NALF1: variants seen among roughly 807,000 people sequenced by gnomAD.
NALF1 encodes the protein NALCN channel auxiliary factor 1.
Under a neutral mutation model 48.4 loss-of-function variants are expected in NALF1, and 3 were observed. The ratio of observed to expected loss-of-function variants is 0.06; its 90% CI spans 0.03 to 0.16. The LOEUF (loss-of-function observed/expected upper bound fraction) is 0.16, where lower values mean the gene tolerates loss of function less well. Among genes scored for constraint, NALF1 ranks in the 10% least tolerant of loss-of-function variants. NALF1 has a pLI of 1.00. For synonymous variants in NALF1, 262 were observed against 245.7 expected, an observed-to-expected ratio of 1.07 and a Z score of -0.62; for missense variants, 526 against 571.5, an observed-to-expected ratio of 0.92 and a Z score of 0.81.
chr13:107,801,754 C>T (rs1261109450), intron 1 of NALF1, among the ~76,000 whole-genome samples: 1 of 152,080 alleles, frequency 6.6e-6, no homozygotes, highest in Non-Finnish European at 1.5e-5. Flanking sequence ...AATGTTTCAC[C>T]AGGATGAACT....
intron 1 of NALF1, among the ~76,000 whole-genome samples, chr13:107,376,119 C>A (rs1236582041): frequency 6.6e-6 from 1 of 152,102 alleles, no homozygotes; most frequent in Non-Finnish European, 1.5e-5. Flanking sequence ...CTTGGAGAGG[C>A]CCAGATGGGA....
At chr13:107,496,964 G>A (rs1245806503) in intron 1 of NALF1, among the ~76,000 whole-genome samples, 1 of 152,156 alleles carries the variant, frequency 6.6e-6, no homozygotes, top group Non-Finnish European at 1.5e-5. Context: ...AGATTTGGGT[G>A]GGGACACAGA....
At chr13:107,551,128 CG>C (rs1877280546) in intron 1 of NALF1, among the ~76,000 whole-genome samples, 1 of 152,208 alleles carries the variant, frequency 6.6e-6, no homozygotes, top group East Asian at 1.9e-4. Flanking sequence ...GGTCGTACTG[CG>C]TCTGAAGTAC....
At chr13:107,472,166 T>C (rs1885111174) in intron 1 of NALF1, among the ~76,000 whole-genome samples, 1 of 152,130 alleles carries the variant, frequency 6.6e-6, no homozygotes, top group Non-Finnish European at 1.5e-5. Flanking sequence ...CCGTCTCTAC[T>C]AAAAATACAA....
chr13:107,588,291 AGT>A (rs1878512337), intron 1 of NALF1, among the ~76,000 whole-genome samples: 1 of 152,150 alleles, frequency 6.6e-6, no homozygotes, highest in African/African-American at 2.4e-5. Context: ...GGCAATGTTG[AGT>A]CCCTGTCTTG....
intron 1 of NALF1, among the ~76,000 whole-genome samples, chr13:107,225,311 C>A (rs1880080096): frequency 6.6e-6 from 1 of 152,042 alleles, no homozygotes; most frequent in Admixed American, 6.6e-5. Context: ...CTGTGCCTGG[C>A]CTTATTTTTT....
chr13:107,852,434 C>T (rs962935993), intron 1 of NALF1, among the ~76,000 whole-genome samples: 26 of 152,184 alleles, frequency 1.7e-4, no homozygotes, highest in African/African-American at 5.8e-4. Flanking sequence ...TACTATGCTT[C>T]TTTTTCCATG....
At chr13:107,846,434 G>A (rs77320023) in intron 1 of NALF1, among the ~76,000 whole-genome samples, 5,119 of 152,192 alleles carry the variant, frequency 0.034, 235 homozygotes, top group East Asian at 0.23. Context: ...GGGAAACTTC[G>A]TCTATCCTGA....
At chr13:107,236,752 C>T (rs1880358169) in intron 1 of NALF1, among the ~76,000 whole-genome samples, 1 of 151,704 alleles carries the variant, frequency 6.6e-6, no homozygotes, top group African/African-American at 2.4e-5. Context: ...ACAGTCATCC[C>T]TCCATATCTG....
chr13:107,599,421 CAAAAAA>C, intron 1 of NALF1, among the ~76,000 whole-genome samples: 1 of 122,258 alleles, frequency 8.2e-6, no homozygotes, highest in South Asian at 2.9e-4. Context: ...GACTCCGTCT[CAAAAAA>C]AAAAAAAAAA....
At chr13:107,413,472 A>C (rs1411677973) in intron 1 of NALF1, among the ~76,000 whole-genome samples, 1 of 143,820 alleles carries the variant, frequency 7.0e-6, no homozygotes, top group African/African-American at 2.4e-5. Flanking sequence ...AATATCTAAA[A>C]ATTTTTAGAT....
intron 1 of NALF1, among the ~76,000 whole-genome samples, chr13:107,335,836 T>C (rs1882545826): frequency 6.6e-6 from 1 of 152,258 alleles, no homozygotes; most frequent in African/African-American, 2.4e-5. Context: ...AGTGGGATAT[T>C]GGGATAGATT....
intron 1 of NALF1, among the ~76,000 whole-genome samples, chr13:107,452,864 A>G (rs1391860882): frequency 6.6e-6 from 1 of 152,236 alleles, no homozygotes; most frequent in African/African-American, 2.4e-5. Context: ...CACCCATTCC[A>G]AATGAGAGAC....
intron 1 of NALF1, among the ~76,000 whole-genome samples, chr13:107,347,844 T>C (rs1178086868): frequency 6.6e-6 from 1 of 152,224 alleles, no homozygotes; most frequent in Non-Finnish European, 1.5e-5. Flanking sequence ...AATTATTGGT[T>C]GTGCATGAAA....
At chr13:107,665,877 C>A (rs895133599) in intron 1 of NALF1, among the ~76,000 whole-genome samples, 1 of 152,088 alleles carries the variant, frequency 6.6e-6, no homozygotes, top group Non-Finnish European at 1.5e-5. Flanking sequence ...ATGATGCCAG[C>A]CATTTAGTCC....
At chr13:107,302,668 T>C (rs1391693758) in intron 1 of NALF1, among the ~76,000 whole-genome samples, 1 of 152,156 alleles carries the variant, frequency 6.6e-6, no homozygotes, top group Non-Finnish European at 1.5e-5. Context: ...AAAAAATTAA[T>C]AAAATAAAAT....
intron 1 of NALF1, among the ~76,000 whole-genome samples, chr13:107,823,988 T>TATC (rs943024110): frequency 1.8e-4 from 27 of 151,618 alleles, no homozygotes; most frequent in Non-Finnish European, 3.4e-4. Context: ...TTATTATTAT[T>TATC]ATTATTATTA....
At chr13:107,457,436 G>A (rs996490094) in intron 1 of NALF1, among the ~76,000 whole-genome samples, 8 of 152,134 alleles carry the variant, frequency 5.3e-5, no homozygotes, top group Non-Finnish European at 1.2e-4. Flanking sequence ...GTGAATGTGT[G>A]TCTACAAACA....
At chr13:107,813,529 C>G (rs184436963) in intron 1 of NALF1, among the ~76,000 whole-genome samples, 65 of 152,058 alleles carry the variant, frequency 4.3e-4, no homozygotes, top group Non-Finnish European at 8.7e-4. Context: ...ATAACAGGTA[C>G]TATTTATTAC....
Sources: gnomAD v4.1 joint callset for allele counts (sites outside exome capture counted in the v4.1 genomes callset) on GRCh38, gnomAD v4.1.1 for gene constraint, MANE v1.5 for transcripts, NCBI Gene and HGNC (gene_info 2026-07-23, HGNC 2026-07-21) for gene names.